The following PNPLA7 variants were observed in gnomAD, a reference collection of about 807,000 sequenced individuals.
The protein encoded by PNPLA7 is patatin-like phospholipase domain-containing protein 7.
Under a neutral mutation model 161.7 loss-of-function variants are expected in PNPLA7, and 153 were observed. The ratio of observed to expected loss-of-function variants is 0.95; its 90% confidence interval spans 0.83 to 1.08. The LOEUF (loss-of-function observed/expected upper bound fraction) is 1.08, where lower values mean the gene tolerates loss of function less well. Ranked by LOEUF, PNPLA7 falls within the 50% of genes least tolerant of loss-of-function variation. PNPLA7 has a pLI of 0.00. For missense variants in PNPLA7, 1,739 were observed against 1,856.6 expected, an observed-to-expected ratio of 0.94 and a Z score of 1.16; for synonymous variants, 809 against 782.1, an observed-to-expected ratio of 1.03 and a Z score of -0.57.
Position 137,479,163 on chromosome 9 carries a change from C to T in PNPLA7, c.2656G>A (p.Ala886Thr), listed in dbSNP as rs1177491522. The T allele has an allele frequency of 1.3e-6, 2 of 1,571,718 alleles. No homozygotes were observed. The highest frequency in any genetic ancestry group is 4.7e-5 in the East Asian group (2 of 42,660). The part of the protein sequence containing the change: ...LILLHREEGP[A>T]PARTVEWLNM... ...AGCCACTCCACGGTGCGCGCTGGCG[C>T]CGGGCCCTCCTCCCTGTGCAGCAGG... is the stretch of plus-strand genomic sequence containing the variant. The change falls in exon 24 of 35, where the codon GCG becomes ACG. Residue 886 changes from alanine (A) to threonine (T), a missense_variant. By Grantham distance (58) the Ala-to-Thr change is moderately conservative. This residue lies in a region of PNPLA7 where 703 missense variants were observed against 694.6 expected (regional missense o/e 1.01). Coordinates refer to ENST00000406427, the MANE Select transcript of PNPLA7 (RefSeq NM_001098537.3).
intron 12 of PNPLA7, among the ~76,000 whole-genome samples, chr9:137,510,895 A>G (rs1015853940): frequency 6.6e-6 from 1 of 152,272 alleles, no homozygotes; most frequent in African/African-American, 2.4e-5. Flanking sequence ...TTAGGATAAG[A>G]GAAAGTTATA....
intron 20 of PNPLA7, among the ~76,000 whole-genome samples, chr9:137,487,425 C>T (rs988554664): frequency 7.9e-5 from 12 of 152,342 alleles, no homozygotes; most frequent in Admixed American, 6.5e-4. Context: ...GAGGGGACCC[C>T]AGCCCTGGAG....
At chr9:137,531,028 A>G (rs1835557047) in intron 8 of PNPLA7, among the ~76,000 whole-genome samples, 1 of 152,186 alleles carries the variant, frequency 6.6e-6, no homozygotes, top group Non-Finnish European at 1.5e-5. Context: ...TCTGAGACTC[A>G]GCAATTTTTC....
Position 137,475,386 on chromosome 9 carries a change from T to C in PNPLA7, c.2882+2648A>G, listed in dbSNP as rs562723616. 9.7e-4 allele frequency among the ~76,000 whole-genome samples: 147 copies of C among 152,288 alleles called. 1 individual carries two copies. The highest frequency in any genetic ancestry group is 3.4e-3 in the African/African-American group (142 of 41,548). ...CGAGACCTTGTTTTGTTTTTTGTTT[T>C]TGTTTTGAGATGGAGTCTTGCTCTG... is the stretch of plus-strand genomic sequence containing the variant. On this transcript the variant is annotated intron_variant, in intron 25 of 34. Coordinates refer to ENST00000406427, the MANE Select transcript of PNPLA7 (RefSeq NM_001098537.3).
intron 25 of PNPLA7, among the ~76,000 whole-genome samples, chr9:137,475,665 T>C (rs111763066): frequency 0.071 from 10,769 of 151,276 alleles, 1,269 homozygotes; most frequent in African/African-American, 0.24. Flanking sequence ...TGAGCCACTG[T>C]GCCTGGCTGA....
intron 6 of PNPLA7, among the ~76,000 whole-genome samples, 161 bp from the exon 7 acceptor site, chr9:137,542,962 C>A (rs1836289375): frequency 6.6e-6 from 1 of 152,232 alleles, no homozygotes; most frequent in African/African-American, 2.4e-5. Context: ...CTGCCAAACA[C>A]AACCGTCAAC....
intron 22 of PNPLA7, 75 bp from the exon 23 acceptor site, chr9:137,480,555 A>G: frequency 1.3e-6 from 2 of 1,484,992 alleles, no homozygotes; most frequent in Non-Finnish European, 1.8e-6. Flanking sequence ...CGGGGCAAAG[A>G]GGCAGCAGAG....
chr9:137,497,153 G>A, intron 18 of PNPLA7, 34 bp downstream of exon 18: 1 of 1,513,346 alleles, frequency 6.6e-7, no homozygotes, highest in Non-Finnish European at 8.9e-7. Context: ...GGGATGCAGA[G>A]GTGGGGGAGG....
At chr9:137,475,437 C>G (rs1463599874) in intron 25 of PNPLA7, among the ~76,000 whole-genome samples, 3 of 152,180 alleles carry the variant, frequency 2.0e-5, no homozygotes, top group Non-Finnish European at 2.9e-5. Context: ...GGCAGTGGCG[C>G]AATCTCAGCT....
intron 8 of PNPLA7, among the ~76,000 whole-genome samples, chr9:137,533,854 G>A (rs180963725): frequency 1.6e-3 from 223 of 143,198 alleles, no homozygotes; most frequent in African/African-American, 5.6e-3. Context: ...CCCCAACAGC[G>A]TCCACTCCAG....
chr9:137,525,686 G>A (rs1439696932), intron 8 of PNPLA7, among the ~76,000 whole-genome samples: 3 of 150,276 alleles, frequency 2.0e-5, no homozygotes, highest in Admixed American at 6.6e-5. Flanking sequence ...GACCAGGAGC[G>A]TGACCGCTGA....
intron 20 of PNPLA7, among the ~76,000 whole-genome samples, chr9:137,488,209 G>A (rs899347733): frequency 1.3e-5 from 2 of 151,882 alleles, no homozygotes; most frequent in African/African-American, 2.4e-5. Context: ...GCCCGAACGC[G>A]GCTCTCGCGG....
rs376839240 is a variant in PNPLA7, at chr9:137,466,870, A to G, written c.3039+447T>C. Among the ~76,000 whole-genome samples, 110 of 126,018 alleles carry G rather than the reference A, an allele frequency of 8.7e-4. 1 individual carries two copies. The highest frequency in any genetic ancestry group is 5.4e-3 in the Middle Eastern group (1 of 184). The allele number at this position is 126,018 out of a possible 152,430, so 82.7% of individuals were successfully genotyped here. A position where few individuals can be genotyped will look rare whatever the true frequency, so the allele number is the denominator to read the frequency against. ...CTCAGACCCGGGCACGGATCAGACC[A>G]CCTCCCACCACCGTCTCCACCAACT... On this transcript the variant is annotated intron_variant, in intron 26 of 34. Transcript: ENST00000406427.
intron 20 of PNPLA7, among the ~76,000 whole-genome samples, chr9:137,485,807 T>A (rs1379212777): frequency 6.6e-6 from 1 of 152,064 alleles, no homozygotes; most frequent in Non-Finnish European, 1.5e-5. Context: ...GGCAGGACCC[T>A]CTCCCTGGGC....
chr9:137,537,869 G>A lies in PNPLA7; in HGVS notation c.747+2773C>T, dbSNP rs890105568. On this transcript the variant is annotated intron_variant, in intron 8 of 34. Transcript: ENST00000406427. This position sits in a 1 kb window ranked among gnomAD's most constrained non-coding sequence, Gnocchi z 4.5. ...TAATGGAGAAAGCCTCTACCCCAGTGAAGCTATTTTTTGCTTAAAGAGAAA... is the reference window on the plus strand; with the variant it reads ...TAATGGAGAAAGCCTCTACCCCAGTAAAGCTATTTTTTGCTTAAAGAGAAA... Among the ~76,000 whole-genome samples, 10 of 152,186 alleles carry A rather than the reference G, an allele frequency of 6.6e-5. No individual in the cohort carries two copies. The highest frequency in any genetic ancestry group is 1.3e-4 in the Non-Finnish European group (9 of 68,044).
intron 20 of PNPLA7, among the ~76,000 whole-genome samples, chr9:137,485,528 G>C (rs2132173659): frequency 6.6e-6 from 1 of 152,376 alleles, no homozygotes; most frequent in African/African-American, 2.4e-5. Flanking sequence ...TCCAGGTGAG[G>C]CCTTATCCTC....
At position 137,498,166 on chromosome 9, in the gene PNPLA7, T is replaced by G. The variant is rs1472001646; in HGVS notation, c.1837A>C (p.Ile613Leu). ...VKRMSSFVRQ[I>L]DFALDWVEVE... ...TCCACCCAGTCCAGGGCAAAGTCGATTTGCCGCACGAAGGACGACATCCTC... is the reference window on the plus strand; with the variant it reads ...TCCACCCAGTCCAGGGCAAAGTCGAGTTGCCGCACGAAGGACGACATCCTC... Residue 613 changes from isoleucine (I) to leucine (L), a missense_variant, in exon 17 of 35, where the codon ATC (isoleucine) becomes CTC (leucine). Around this residue, in one of 6 missense-constraint regions of PNPLA7, gnomAD observed 481 missense variants for 450.0 expected, o/e 1.07. Coordinates refer to ENST00000406427, the MANE Select transcript of PNPLA7 (RefSeq NM_001098537.3). 2 of 1,612,842 alleles carry G rather than the reference T, an allele frequency of 1.2e-6. No individual in the cohort carries two copies. The highest frequency in any genetic ancestry group is 2.7e-5 in the African/African-American group (2 of 74,932).
chr9:137,513,220 G>A (rs561104371), intron 12 of PNPLA7, among the ~76,000 whole-genome samples: 14 of 152,086 alleles, frequency 9.2e-5, no homozygotes, highest in Admixed American at 2.0e-4. Flanking sequence ...GGCCGGGTGC[G>A]GTGGCTCAGC....
At position 137,515,400 on chromosome 9, in the gene PNPLA7, G is replaced by T. The variant is rs1834476774; in HGVS notation, c.1204C>A (p.Pro402Thr). 1.9e-6 allele frequency: 3 copies of T among 1,604,712 alleles called. No homozygotes were observed. Among genetic ancestry groups the T allele is most frequent in the South Asian group, 1.1e-5 (1 of 89,320 alleles). The stretch of plus-strand genomic sequence containing the variant: ...TTACCTTGTGGGGCCGAAGGGTCAG[G>T]GTCACCTGCCCCGGGCTTCTCCAGC... ...EELEKPGAGD[P>T]DPSAPQGGPG... Residue 402 changes from proline (P) to threonine (T), a missense_variant, in exon 12 of 35, where the codon CCT (proline) becomes ACT (threonine). This residue lies in a region of PNPLA7 where 481 missense variants were observed against 450.0 expected (regional missense o/e 1.07). Coordinates refer to ENST00000406427, the MANE Select transcript of PNPLA7 (RefSeq NM_001098537.3).
Sources: gnomAD v4.1 joint callset for allele counts (sites outside exome capture counted in the v4.1 genomes callset) on GRCh38, gnomAD v4.1.1 for gene constraint, gnomAD v4.1.1 regional missense constraint, Gnocchi (gnomAD v3.1) non-coding constraint, MANE v1.5 for transcripts, NCBI Gene and HGNC (gene_info 2026-07-23, HGNC 2026-07-21) for gene names.